COCH: variants seen among roughly 807,000 people sequenced by gnomAD.
The protein encoded by COCH is cochlin.
COCH carries 40 observed loss-of-function variants against 54.8 expected under a neutral mutation model. The ratio of observed to expected loss-of-function variants is 0.73; its 90% CI spans 0.57 to 0.95. The LOEUF (loss-of-function observed/expected upper bound fraction) is 0.95. Among genes scored for constraint, COCH ranks in the 40% least tolerant of loss-of-function variants. The probability of loss-of-function intolerance (pLI) is 0.00; values close to 1 mark genes in which losing one functional copy is unlikely to be tolerated. For synonymous variants in COCH, 256 were observed against 237.9 expected, an observed-to-expected ratio of 1.08 and a Z score of -0.70; for missense variants, 605 against 675.0, an observed-to-expected ratio of 0.90 and a Z score of 1.15.
chr14:30,880,843 T>G (rs1895554837), intron 8 of COCH, 109 bp downstream of exon 8: 1 of 811,472 alleles, frequency 1.2e-6, no homozygotes, highest in East Asian at 2.7e-5. Context: ...ATACATACAA[T>G]GTATAGTGGT....
chr14:30,877,696 T>C lies in COCH; in HGVS notation c.207T>C (p.Ser69=), dbSNP rs755385664. Residue 69 remains serine, a synonymous_variant, in exon 4 of 12, where the codon TCT becomes TCC. Coordinates refer to ENST00000396618, the MANE Select transcript of COCH (RefSeq NM_004086.3). This position sits in a 1 kb window ranked among gnomAD's most constrained non-coding sequence, Gnocchi z 8.6. ...FSVYGNIVYA[S]VSSICGAAVH... ...TGTATGGGAACATAGTATATGCTTC[T>C]GTATCGAGCATATGTGGGGCTGCTG... The C allele has an allele frequency of 7.4e-6, 12 of 1,614,124 alleles. No individual in the cohort carries two copies. Among genetic ancestry groups the C allele is most frequent in the Non-Finnish European group, 1.0e-5 (12 of 1,180,058 alleles).
chr14:30,885,436 A>C lies in COCH; in HGVS notation c.776A>C (p.Asp259Ala). Residue 259 changes from aspartate (D) to alanine (A), a missense_variant, in exon 10 of 12, where the codon GAT (aspartate) becomes GCT (alanine). Asp to Ala is a moderately radical substitution (Grantham distance 126). Transcript: ENST00000396618. ...ACTGCTCAGAAATTCTTCACGGTAGATGCTGGAGTAAGAAAAGGGATCCCC... is the reference window on the plus strand; with the variant it reads ...ACTGCTCAGAAATTCTTCACGGTAGCTGCTGGAGTAAGAAAAGGGATCCCC... ...KHTAQKFFTV[D>A]AGVRKGIPKV... The C allele has an allele frequency of 6.2e-7, 1 of 1,614,192 alleles. No individual in the cohort carries two copies. Among genetic ancestry groups the C allele is most frequent in the Non-Finnish European group, 8.5e-7 (1 of 1,180,004 alleles).
Position 30,879,026 on chromosome 14 carries a change from A to G in COCH, c.373+82A>G, listed in dbSNP as rs898871983. ...TGCTTTTTTTAGCTCAGCCTCTTTA[A>G]CCTTGATGGAAAAACCTGTGATCAA... On this transcript the variant is annotated intron_variant, in intron 5 of 11. Coordinates refer to ENST00000396618, the MANE Select transcript of COCH (RefSeq NM_004086.3). 3.2e-6 allele frequency: 5 copies of G among 1,554,392 alleles called. No individual in the cohort carries two copies. In the African/African-American group the frequency reaches 6.8e-5, roughly 21 times the overall value.
intron 11 of COCH, among the ~76,000 whole-genome samples, chr14:30,886,968 C>T (rs754264285): frequency 6.6e-6 from 1 of 152,206 alleles, no homozygotes; most frequent in Non-Finnish European, 1.5e-5. Context: ...GCAATCCTCA[C>T]ACCTTGGCCT....
rs1489032338 is a variant in COCH at position 30,880,704 on chromosome 14, A to G, written c.599A>G (p.Glu200Gly). Reference protein sequence around the residue: ...KVALMLGIGTEGPHVGLVQAS... With the variant: ...KVALMLGIGTGGPHVGLVQAS... ...GCTCTAATGTTGGGAATTGGAACAG[A>G]AGGACCACATGTGGGCCTTGTTCAA... The change falls in exon 8 of 12, where the codon GAA (glutamate) becomes GGA (glycine). Residue 200 changes from glutamate (E) to glycine (G), a missense_variant. By Grantham distance (98) the Glu-to-Gly change is moderately conservative (BLOSUM62 -2). Transcript: ENST00000396618. 6.2e-7 allele frequency: 1 copy of G among 1,613,908 alleles called. No homozygotes were observed. The highest frequency in any genetic ancestry group is 1.3e-5 in the African/African-American group (1 of 74,906).
At chr14:30,882,120 G>GTT (rs61175020) in intron 8 of COCH, among the ~76,000 whole-genome samples, 2,690 of 67,816 alleles carry the variant, frequency 0.04, 608 homozygotes, top group East Asian at 0.094. Context: ...CTATAAAATG[G>GTT]TTTTTTTTTT....
At position 30,877,749 on chromosome 14, in the gene COCH, G is replaced by A. The variant is rs370775323; in HGVS notation, c.239+21G>A. ...CACAGGTAAGCCCAAACACACCAGGGTGGGAGAGAAATGCAGACGTGATTA... is the reference window on the plus strand; with the variant it reads ...CACAGGTAAGCCCAAACACACCAGGATGGGAGAGAAATGCAGACGTGATTA... On this transcript the variant is annotated intron_variant, in intron 4 of 11. Transcript: ENST00000396618. This position sits in a 1 kb window ranked among gnomAD's most constrained non-coding sequence, Gnocchi z 8.6. 2.0e-5 allele frequency: 32 copies of A among 1,614,046 alleles called. No homozygotes were observed. Among genetic ancestry groups the A allele is most frequent in the Non-Finnish European group, 2.6e-5 (31 of 1,180,030 alleles).
chr14:30,886,319 T>G lies in COCH; in HGVS notation c.1477+7T>G, dbSNP rs1158445861. 1 of 1,613,916 alleles carries G rather than the reference T, an allele frequency of 6.2e-7. No homozygotes were observed. The highest frequency in any genetic ancestry group is 8.5e-7 in the Non-Finnish European group (1 of 1,179,978). The stretch of plus-strand genomic sequence containing the variant: ...GCTGCTGCACATGATGCAGGTAAGG[T>G]CCTTGTTCTTTATAGGAGAAGGGAA... On this transcript the variant is annotated splice_region_variant and intron_variant, in intron 11 of 11. Transcript: ENST00000396618.
At position 30,886,109 on chromosome 14, in the gene COCH, G is replaced by C. The variant is rs892430382; in HGVS notation, c.1274G>C (p.Ser425Thr). 9.9e-6 allele frequency: 16 copies of C among 1,613,940 alleles called. No homozygotes were observed. The highest frequency in any genetic ancestry group is 1.4e-5 in the Non-Finnish European group (16 of 1,179,814). Residue 425 changes from serine to threonine, a missense_variant, in exon 11 of 12, where the codon AGC becomes ACC. Physicochemically the swap from Ser to Thr is moderately conservative, Grantham distance 58. Coordinates refer to ENST00000396618, the MANE Select transcript of COCH (RefSeq NM_004086.3). ...ACGGAGTTCAGTTTCACTGACTATA[G>C]CACCAAAGAGAATGTCCTAGCTGTC... Reference protein sequence around the residue: ...QRTEFSFTDYSTKENVLAVIR... With the variant: ...QRTEFSFTDYTTKENVLAVIR...
intron 7 of COCH, 32 bp downstream of exon 7, chr14:30,880,528 G>T (rs760418137): frequency 6.2e-7 from 1 of 1,614,158 alleles, no homozygotes; most frequent in African/African-American, 1.3e-5. Context: ...TGGGAAGGTA[G>T]CATTTTCCCT....
chr14:30,881,968 A>T (rs896860568), intron 8 of COCH, among the ~76,000 whole-genome samples: 1 of 138,202 alleles, frequency 7.2e-6, no homozygotes, highest in African/African-American at 3.1e-5. Flanking sequence ...TGTTTCAAAA[A>T]ATAAAAATAA....
chr14:30,886,015 G>GTTT lies in COCH; in HGVS notation c.1180_1181insTTT (p.Ala394delinsValSer). ...CATGCTTGAATTTGTTTCCAACATA[G>GTTT]CCAAGACTTTTGAAATCTCGGACAT... On this transcript the variant is annotated protein_altering_variant, in exon 11 of 12. Transcript: ENST00000396618. 6.2e-7 allele frequency: 1 copy of GTTT among 1,614,186 alleles called. No homozygotes were observed.
downstream of COCH, among the ~76,000 whole-genome samples, chr14:30,892,311 T>C (rs982906161): frequency 3.3e-5 from 5 of 152,288 alleles, no homozygotes; most frequent in African/African-American, 1.2e-4. Context: ...TACGTCAATG[T>C]TTATGCATTC....
At position 30,886,330 on chromosome 14, in the gene COCH, T is replaced by C. The variant is rs28362779; in HGVS notation, c.1477+18T>C. 563 of 1,613,854 alleles carry C rather than the reference T, an allele frequency of 3.5e-4. 1 individual carries two copies. The African/African-American group carries it at 6.5e-3, about 19-fold the overall frequency. Reference sequence around the variant, plus strand: ...TGATGCAGGTAAGGTCCTTGTTCTTTATAGGAGAAGGGAACAGAAAAAACG... The same window carrying C: ...TGATGCAGGTAAGGTCCTTGTTCTTCATAGGAGAAGGGAACAGAAAAAACG... On this transcript the variant is annotated intron_variant, in intron 11 of 11. Transcript: ENST00000396618.
At chr14:30,879,147 G>A (rs1280681304) in intron 5 of COCH, among the ~76,000 whole-genome samples, 1 of 152,204 alleles carries the variant, frequency 6.6e-6, no homozygotes, top group East Asian at 1.9e-4. Flanking sequence ...CAATCTTACT[G>A]ACAGATGATG....
chr14:30,882,460 T>C (rs1895646379), intron 8 of COCH, among the ~76,000 whole-genome samples: 1 of 152,140 alleles, frequency 6.6e-6, no homozygotes, highest in Admixed American at 6.6e-5. Context: ...TATTTGACTG[T>C]ATTATTTTTT....
chr14:30,882,120 G>GT (rs61175020), intron 8 of COCH, among the ~76,000 whole-genome samples: 7,621 of 67,638 alleles, frequency 0.11, 2,161 homozygotes, highest in Non-Finnish European at 0.16. Flanking sequence ...CTATAAAATG[G>GT]TTTTTTTTTT....
chr14:30,894,885 TTC>T (rs762190739), downstream of COCH: 104 of 867,434 alleles, frequency 1.2e-4, no homozygotes, highest in South Asian at 3.3e-4. Flanking sequence ...AAGTTAAATT[TTC>T]TTTTTCTTTT....
chr14:30,885,846 T>C lies in COCH; in HGVS notation c.1011T>C (p.Phe337=), dbSNP rs758549167. 6.2e-7 allele frequency: 1 copy of C among 1,614,138 alleles called. No individual in the cohort carries two copies. Among genetic ancestry groups the C allele is most frequent in the East Asian group, 2.2e-5 (1 of 44,888 alleles). Residue 337 remains phenylalanine (F), a synonymous_variant, in exon 11 of 12, where the codon TTT becomes TTC. Coordinates refer to ENST00000396618, the MANE Select transcript of COCH (RefSeq NM_004086.3). ...GFFSYHMPNW[F]GTTKYVKPLV... The stretch of plus-strand genomic sequence containing the variant: ...TCTCTTACCACATGCCCAACTGGTT[T>C]GGCACCACAAAATACGTAAAGCCTC...
Sources: gnomAD v4.1 joint callset for allele counts (sites outside exome capture counted in the v4.1 genomes callset) on GRCh38, gnomAD v4.1.1 for gene constraint, Gnocchi (gnomAD v3.1) non-coding constraint, MANE v1.5 for transcripts, NCBI Gene and HGNC (gene_info 2026-07-23, HGNC 2026-07-21) for gene names.